KCTD8: variants seen among roughly 807,000 people sequenced by gnomAD.
KCTD8 encodes potassium channel tetramerization domain containing 8.
Under a neutral mutation model 31.5 loss-of-function variants are expected in KCTD8, and 27 were observed. That is an observed-to-expected ratio of 0.86 (90% CI 0.63 to 1.18). The LOEUF (loss-of-function observed/expected upper bound fraction) is 1.18, where lower values mean the gene tolerates loss of function less well. KCTD8 is among the 50% of genes most tolerant of loss of function. The pLI, the probability that KCTD8 is intolerant of heterozygous loss-of-function variation, is 0.00. For synonymous variants in KCTD8, 290 were observed against 280.0 expected, an observed-to-expected ratio of 1.04 and a Z score of -0.36; for missense variants, 658 against 647.7, an observed-to-expected ratio of 1.02 and a Z score of -0.17.
intron 1 of KCTD8, among the ~76,000 whole-genome samples, chr4:44,235,565 A>T (rs866979021): frequency 1.5e-4 from 11 of 73,534 alleles, no homozygotes; most frequent in African/African-American, 5.6e-4. Flanking sequence ...ATATATATAT[A>T]TATATATATA....
intron 1 of KCTD8, among the ~76,000 whole-genome samples, chr4:44,324,730 G>C (rs967164196): frequency 4.0e-5 from 6 of 151,768 alleles, no homozygotes; most frequent in Non-Finnish European, 8.8e-5. Context: ...TATCAATATT[G>C]GCTTCCCCTT....
intron 1 of KCTD8, among the ~76,000 whole-genome samples, chr4:44,272,301 T>C (rs1299301096): frequency 6.6e-6 from 1 of 151,760 alleles, no homozygotes; most frequent in Non-Finnish European, 1.5e-5. Flanking sequence ...CAGAACCTTT[T>C]TCAGAAAGAT....
intron 1 of KCTD8, among the ~76,000 whole-genome samples, chr4:44,440,807 A>G (rs2109484101): frequency 6.6e-6 from 1 of 152,362 alleles, no homozygotes; most frequent in African/African-American, 2.4e-5. Context: ...AAACACAATG[A>G]GGGACCTATC....
intron 1 of KCTD8, among the ~76,000 whole-genome samples, chr4:44,314,771 ATAT>A (rs1194233920): frequency 6.6e-6 from 1 of 151,854 alleles, no homozygotes; most frequent in African/African-American, 2.4e-5. Flanking sequence ...GAGATTTATA[ATAT>A]TATTTTTAAT....
intron 1 of KCTD8, among the ~76,000 whole-genome samples, chr4:44,351,955 ATTTC>A (rs1719215150): frequency 6.6e-6 from 1 of 152,046 alleles, no homozygotes; most frequent in South Asian, 2.1e-4. Flanking sequence ...TAAAATAAGT[ATTTC>A]TTTTATTTAT....
At chr4:44,385,897 G>T (rs536398655) in intron 1 of KCTD8, among the ~76,000 whole-genome samples, 133 of 151,612 alleles carry the variant, frequency 8.8e-4, no homozygotes, top group African/African-American at 3.2e-3. Flanking sequence ...CACAGTACTT[G>T]AATAGACATT....
intron 1 of KCTD8, among the ~76,000 whole-genome samples, chr4:44,415,187 G>A (rs754592949): frequency 1.3e-5 from 2 of 152,116 alleles, no homozygotes; most frequent in African/African-American, 2.4e-5. Flanking sequence ...GATGACTTAG[G>A]GTATGTGCTG....
intron 1 of KCTD8, among the ~76,000 whole-genome samples, chr4:44,197,279 G>A (rs1437461587): frequency 6.6e-6 from 1 of 152,082 alleles, no homozygotes; most frequent in Non-Finnish European, 1.5e-5. Context: ...CACAGGGCAA[G>A]TCCAGGAAGT....
At chr4:44,389,916 G>A (rs879671093) in intron 1 of KCTD8, among the ~76,000 whole-genome samples, 2 of 151,590 alleles carry the variant, frequency 1.3e-5, no homozygotes, top group Admixed American at 6.6e-5. Context: ...CATGTTTGTT[G>A]GTCATGTGTG....
intron 1 of KCTD8, among the ~76,000 whole-genome samples, chr4:44,376,256 T>G (rs920214519): frequency 2.0e-5 from 3 of 152,164 alleles, no homozygotes; most frequent in Non-Finnish European, 2.9e-5. Context: ...TCTTCTCATG[T>G]TCTGTGGTGC....
At chr4:44,421,353 C>T (rs901590619) in intron 1 of KCTD8, among the ~76,000 whole-genome samples, 2 of 151,888 alleles carry the variant, frequency 1.3e-5, no homozygotes, top group South Asian at 2.1e-4. Context: ...GACCACATGA[C>T]CTCATACTTT....
intron 1 of KCTD8, among the ~76,000 whole-genome samples, chr4:44,187,939 A>G (rs538118314): frequency 1.8e-4 from 28 of 151,590 alleles, no homozygotes; most frequent in Admixed American, 1.1e-3. Context: ...TAAGGGAAGC[A>G]GAGGTTGTGG....
intron 1 of KCTD8, among the ~76,000 whole-genome samples, chr4:44,352,089 C>T (rs993613311): frequency 7.9e-5 from 12 of 152,038 alleles, no homozygotes; most frequent in African/African-American, 2.9e-4. Context: ...ATTCCATGTA[C>T]CCTAAAGCTT....
chr4:44,191,551 G>T (rs896431943), intron 1 of KCTD8, among the ~76,000 whole-genome samples: 12 of 152,162 alleles, frequency 7.9e-5, no homozygotes, highest in African/African-American at 2.9e-4. Flanking sequence ...TAAGACCCTA[G>T]GAAAAGAATT....
intron 1 of KCTD8, among the ~76,000 whole-genome samples, chr4:44,365,811 T>A (rs1216906710): frequency 6.6e-6 from 1 of 152,162 alleles, no homozygotes; most frequent in African/African-American, 2.4e-5. Context: ...AAAAGATTTA[T>A]GTACAAGAAG....
At chr4:44,354,776 CA>C (rs1450457292) in intron 1 of KCTD8, among the ~76,000 whole-genome samples, 1 of 152,052 alleles carries the variant, frequency 6.6e-6, no homozygotes, top group Admixed American at 6.6e-5. Context: ...CTTTACTTAA[CA>C]TATCCTTACA....
At chr4:44,265,884 G>A (rs1360337645) in intron 1 of KCTD8, among the ~76,000 whole-genome samples, 1 of 152,140 alleles carries the variant, frequency 6.6e-6, no homozygotes, top group African/African-American at 2.4e-5. Context: ...CAAGAAATAT[G>A]GGACTATGTG....
At chr4:44,384,607 C>T (rs555044995) in intron 1 of KCTD8, among the ~76,000 whole-genome samples, 5 of 151,740 alleles carry the variant, frequency 3.3e-5, no homozygotes, top group Admixed American at 6.6e-5. Flanking sequence ...AGTTGAATAG[C>T]GGTTCCTAGA....
intron 1 of KCTD8, among the ~76,000 whole-genome samples, chr4:44,285,706 G>A (rs573259173): frequency 4.3e-4 from 65 of 152,162 alleles, no homozygotes; most frequent in African/African-American, 1.3e-3. Flanking sequence ...TTGTTTTCCC[G>A]CCTGCTAACA....
Sources: allele counts gnomAD v4.1 joint callset (sites outside exome capture counted in the v4.1 genomes callset), GRCh38; gene constraint gnomAD v4.1.1; transcripts MANE v1.5; gene names NCBI Gene and HGNC (gene_info 2026-07-23, HGNC 2026-07-21).